ZKSCAN1: variants seen among roughly 807,000 people sequenced by gnomAD.
ZKSCAN1 encodes zinc finger with KRAB and SCAN domains 1, also known as zinc finger protein with KRAB and SCAN domains 1.
ZKSCAN1 carries 14 observed loss-of-function variants against 51.6 expected under a neutral mutation model. That is an observed-to-expected ratio of 0.27 (90% confidence interval 0.18 to 0.42). The LOEUF (loss-of-function observed/expected upper bound fraction) is 0.42, where lower values mean the gene tolerates loss of function less well. ZKSCAN1 is among the 10% of genes least tolerant of loss of function. ZKSCAN1 has a pLI of 1.00. For synonymous variants in ZKSCAN1, 263 were observed against 261.5 expected (o/e 1.01, Z -0.06); for missense variants, 531 against 710.0 (o/e 0.75, Z 2.86).
chr7:100,023,473 C>T lies in ZKSCAN1; in HGVS notation c.-34C>T. ...CCCAGGACATAAAGGTGAGCACAGA[C>T]CCTGTTTGGATCAAGTCAGTTCCTG... is the stretch of plus-strand genomic sequence containing the variant. On this transcript the variant is annotated 5_prime_UTR_variant, in exon 2 of 6. Transcript: ENST00000324306. The T allele has an allele frequency of 6.3e-7, 1 of 1,584,108 alleles. No homozygotes were observed. The highest frequency in any genetic ancestry group is 8.6e-7 in the Non-Finnish European group (1 of 1,166,734).
At position 100,036,596 on chromosome 7, in the gene ZKSCAN1, T is replaced by A; in HGVS notation, c.*2399T>A. 1 of 694,746 alleles carries A rather than the reference T, an allele frequency of 1.4e-6. No individual in the cohort carries two copies. Among genetic ancestry groups the A allele is most frequent in the Non-Finnish European group, 1.8e-6 (1 of 565,080 alleles). 43.0% of individuals were successfully genotyped at this position (694,746 alleles called of 1,614,324 possible). A position where few individuals can be genotyped will look rare whatever the true frequency, so the allele number is the denominator to read the frequency against. On this transcript the variant is annotated 3_prime_UTR_variant, in exon 6 of 6. Coordinates refer to ENST00000324306, the MANE Select transcript of ZKSCAN1 (RefSeq NM_003439.4). ...AGCCGGGCATGATGGTGGGCACCTGTAATCCCAGCTACTTGGGAGGCTGAG... is the reference window on the plus strand; with the variant it reads ...AGCCGGGCATGATGGTGGGCACCTGAAATCCCAGCTACTTGGGAGGCTGAG...
In ZKSCAN1 at chr7:100,039,670, T is replaced by G. The variant is rs746538646; in HGVS notation, c.*5473T>G. 1 of 985,452 alleles carries G rather than the reference T, an allele frequency of 1.0e-6. No homozygotes were observed. The highest frequency in any genetic ancestry group is 1.2e-6 in the Non-Finnish European group (1 of 829,954). The allele number at this position is 985,452 out of a possible 1,614,324, so 61.0% of individuals were successfully genotyped here. A position where few individuals can be genotyped will look rare whatever the true frequency, so the allele number is the denominator to read the frequency against. On this transcript the variant is annotated 3_prime_UTR_variant, in exon 6 of 6. Coordinates refer to ENST00000324306, the MANE Select transcript of ZKSCAN1 (RefSeq NM_003439.4). Reference sequence around the variant, plus strand: ...TCATCCTACCATCCTCATGGAAGACTGTGTGTATGAATTGGAGTAACAGAA... The same window carrying G: ...TCATCCTACCATCCTCATGGAAGACGGTGTGTATGAATTGGAGTAACAGAA...
chr7:100,032,425 T>G (rs1266214186), intron 5 of ZKSCAN1, among the ~76,000 whole-genome samples: 2 of 152,192 alleles, frequency 1.3e-5, no homozygotes, highest in Non-Finnish European at 2.9e-5. Flanking sequence ...CCATGCTCCC[T>G]CTGTTGTCAT....
At position 100,024,218 on chromosome 7, in the gene ZKSCAN1, A is replaced by G; in HGVS notation, c.491A>G (p.Gln164Arg). ...GGGATGGTGCCTCTGGATCCAGTTC[A>G]GGAGTCCTCGAGCTTTGACCTTCAT... ...ARGMVPLDPV[Q>R]ESSSFDLHHE... Residue 164 changes from glutamine to arginine, a missense_variant, in exon 3 of 6, where the codon CAG becomes CGG. Around this residue, in one of 2 missense-constraint regions of ZKSCAN1, gnomAD observed 403 missense variants for 490.5 expected, o/e 0.82. Transcript: ENST00000324306. 6.2e-7 allele frequency: 1 copy of G among 1,614,120 alleles called. No homozygotes were observed. The highest frequency in any genetic ancestry group is 8.5e-7 in the Non-Finnish European group (1 of 1,180,018).
rs888346433 is a variant in ZKSCAN1 at position 100,040,014 on chromosome 7, A to C, written c.*5817A>C. The C allele has an allele frequency of 1.1e-6, 1 of 878,470 alleles. No individual in the cohort carries two copies. 54.4% of individuals were successfully genotyped at this position (878,470 alleles called of 1,614,324 possible). The stretch of plus-strand genomic sequence containing the variant: ...TTTTTTTTTAGAGTGGACACACTAC[A>C]TTTAAAAGCAATTATTTTGCTATTC... On this transcript the variant is annotated 3_prime_UTR_variant, in exon 6 of 6. Transcript: ENST00000324306.
At position 100,041,110 on chromosome 7, in the gene ZKSCAN1, A is replaced by G; in HGVS notation, c.*6913A>G. ...CTAAATCTATATAGAGGGCTAACTC[A>G]GGCATTGTCTTGTTTATTTGTAGAC... On this transcript the variant is annotated 3_prime_UTR_variant, in exon 6 of 6. Transcript: ENST00000324306. 6 of 851,650 alleles carry G rather than the reference A, an allele frequency of 7.0e-6. No homozygotes were observed. Among genetic ancestry groups the G allele is most frequent in the Non-Finnish European group, 8.5e-6 (6 of 708,066 alleles). The allele number at this position is 851,650 out of a possible 1,614,324, so 52.8% of individuals were successfully genotyped here.
chr7:100,042,394 C>A (rs1341759485), downstream of ZKSCAN1, among the ~76,000 whole-genome samples: 1 of 151,210 alleles, frequency 6.6e-6, no homozygotes, highest in Non-Finnish European at 1.5e-5. Context: ...ACATCTCTGA[C>A]TGTTTTTACT....
intron 3 of ZKSCAN1, among the ~76,000 whole-genome samples, chr7:100,029,187 A>C (rs1346401975): frequency 1.5e-5 from 2 of 130,970 alleles, no homozygotes; most frequent in Non-Finnish European, 3.3e-5. Flanking sequence ...AAAAAAAAAA[A>C]AACTTACCCA....
At chr7:100,041,828 ACTAT>A (rs1791606716), downstream of ZKSCAN1, 1 of 840,462 alleles carries the variant, frequency 1.2e-6, no homozygotes, top group South Asian at 5.4e-5. Flanking sequence ...CTCATGCAAA[ACTAT>A]CTGTTTACTT....
At position 100,038,607 on chromosome 7, in the gene ZKSCAN1, T is replaced by C; in HGVS notation, c.*4410T>C. 3.0e-6 allele frequency: 3 copies of C among 985,490 alleles called. No individual in the cohort carries two copies. The highest frequency in any genetic ancestry group is 3.6e-6 in the Non-Finnish European group (3 of 829,962). The allele number at this position is 985,490 out of a possible 1,614,324, so 61.0% of individuals were successfully genotyped here. A position where few individuals can be genotyped will look rare whatever the true frequency, so the allele number is the denominator to read the frequency against. Reference sequence around the variant, plus strand: ...CTCCATGAAGCGAGAGTAGGAAGTGTACTGGAATGGCCAAGTGGGACTGCT... The same window carrying C: ...CTCCATGAAGCGAGAGTAGGAAGTGCACTGGAATGGCCAAGTGGGACTGCT... On this transcript the variant is annotated 3_prime_UTR_variant, in exon 6 of 6. Transcript: ENST00000324306.
At chr7:100,042,951 C>G (rs1791637523), downstream of ZKSCAN1, among the ~76,000 whole-genome samples, 1 of 152,098 alleles carries the variant, frequency 6.6e-6, no homozygotes, top group African/African-American at 2.4e-5. Flanking sequence ...GCGCCCGCCA[C>G]TGTGCCCGGC....
intron 1 of ZKSCAN1, among the ~76,000 whole-genome samples, chr7:100,018,343 C>T (rs530250667): frequency 4.1e-4 from 62 of 152,026 alleles, no homozygotes; most frequent in Middle Eastern, 3.4e-3. Context: ...AAGAGGACTG[C>T]TCTTAATAAT....
rs1385949311 is a variant in ZKSCAN1, at chr7:100,024,084, T to C, written c.427-70T>C. On this transcript the variant is annotated intron_variant, in intron 2 of 5. Transcript: ENST00000324306. ...CCTGCATCCACTGGCATACTCATGG[T>C]CTGTTTTTAAATATTTTAATTCCCA... 5 of 1,548,562 alleles carry C rather than the reference T, an allele frequency of 3.2e-6. No homozygotes were observed. In the East Asian group the frequency reaches 9.0e-5, roughly 28 times the overall value.
chr7:100,027,916 G>A (rs1790914359), intron 3 of ZKSCAN1, among the ~76,000 whole-genome samples: 1 of 152,040 alleles, frequency 6.6e-6, no homozygotes, highest in Non-Finnish European at 1.5e-5. Context: ...TAGGTTGCCA[G>A]AGTAACAGTT....
intron 2 of ZKSCAN1, 93 bp downstream of exon 2, chr7:100,024,025 G>A (rs1790707017): frequency 1.3e-6 from 2 of 1,519,456 alleles, no homozygotes; most frequent in African/African-American, 2.8e-5. Context: ...GTTATTAGGT[G>A]GTTACTCTGT....
chr7:100,041,090 T>A lies in ZKSCAN1; in HGVS notation c.*6893T>A. 1 of 923,622 alleles carries A rather than the reference T, an allele frequency of 1.1e-6. No individual in the cohort carries two copies. The allele number at this position is 923,622 out of a possible 1,614,324, so 57.2% of individuals were successfully genotyped here. ...ACAACGAGGTCAGCATAAGCCTAAA[T>A]CTATATAGAGGGCTAACTCAGGCAT... is the stretch of plus-strand genomic sequence containing the variant. On this transcript the variant is annotated 3_prime_UTR_variant, in exon 6 of 6. Coordinates refer to ENST00000324306, the MANE Select transcript of ZKSCAN1 (RefSeq NM_003439.4).
Position 100,036,654 on chromosome 7 carries a change from G to A in ZKSCAN1, c.*2457G>A, listed in dbSNP as rs911339745. The A allele has an allele frequency of 4.6e-6, 4 of 870,092 alleles. No individual in the cohort carries two copies. Among genetic ancestry groups the A allele is most frequent in the Non-Finnish European group, 5.5e-6 (4 of 725,784 alleles). 53.9% of individuals were successfully genotyped at this position (870,092 alleles called of 1,614,324 possible). On this transcript the variant is annotated 3_prime_UTR_variant, in exon 6 of 6. Transcript: ENST00000324306. ...AATCACTTGAACCCAGGAGGCAGAG[G>A]TTGCAGTGAGCCAAGATTGCACACT...
chr7:100,032,212 T>C (rs1414149156), intron 5 of ZKSCAN1, among the ~76,000 whole-genome samples: 1 of 152,232 alleles, frequency 6.6e-6, no homozygotes, highest in African/African-American at 2.4e-5. Context: ...GAAAGACCTG[T>C]TCTTTTTTTG....
rs1791563304 is a variant in ZKSCAN1 at position 100,040,808 on chromosome 7, T to A, written c.*6611T>A. The A allele has an allele frequency of 1.0e-6, 1 of 985,270 alleles. No homozygotes were observed. The highest frequency in any genetic ancestry group is 1.2e-6 in the Non-Finnish European group (1 of 829,930). 61.0% of individuals were successfully genotyped at this position (985,270 alleles called of 1,614,324 possible). On this transcript the variant is annotated 3_prime_UTR_variant, in exon 6 of 6. Coordinates refer to ENST00000324306, the MANE Select transcript of ZKSCAN1 (RefSeq NM_003439.4). ...AACCAGAGAAGAGCATCCGGTTGCT[T>A]TTTAAAGCTTTTAGCCTGCCCTAGC...
Sources: allele counts gnomAD v4.1 joint callset (sites outside exome capture counted in the v4.1 genomes callset), GRCh38; gene constraint gnomAD v4.1.1; regional missense constraint gnomAD v4.1.1; transcripts MANE v1.5; gene names NCBI Gene and HGNC (gene_info 2026-07-23, HGNC 2026-07-21).